SLIT2: variants seen among roughly 807,000 people sequenced by gnomAD.
SLIT2 encodes slit guidance ligand 2, also known as slit homolog 2 protein.
A neutral mutation model predicts 185.7 loss-of-function variants in SLIT2; 41 were observed. That is an observed-to-expected ratio of 0.22 (90% CI 0.17 to 0.29). The LOEUF is 0.29. Among genes scored for constraint, SLIT2 ranks in the 10% least tolerant of loss-of-function variants. The pLI, the probability that SLIT2 is intolerant of heterozygous loss-of-function variation, is 1.00. For synonymous variants in SLIT2, 693 were observed against 680.2 expected, an observed-to-expected ratio of 1.02 and a Z score of -0.29; for missense variants, 1,571 against 1,909.0, an observed-to-expected ratio of 0.82 and a Z score of 3.30.
At chr4:20,583,550 G>T (rs4466041) in intron 29 of SLIT2, among the ~76,000 whole-genome samples, 1 of 152,044 alleles carries the variant, frequency 6.6e-6, no homozygotes. Flanking sequence ...AGTGGCTCAC[G>T]CCTGTAATCC....
Position 20,532,665 on chromosome 4 carries a change from G to A in SLIT2, c.1688+607G>A, listed in dbSNP as rs147617699. On this transcript the variant is annotated intron_variant, in intron 17 of 36. Transcript: ENST00000504154. ...CGCCCTCACACATGCAGAAACATCA[G>A]CATCAGCTCACTTTAGCTGTGTGTC... Among the ~76,000 whole-genome samples, 878 of 152,276 alleles carry A rather than the reference G, an allele frequency of 5.8e-3. 7 individuals are homozygous for A. The highest frequency in any genetic ancestry group is 0.011 in the Admixed American group (170 of 15,298).
chr4:20,598,545 C>G (rs555901159), intron 33 of SLIT2, 150 bp downstream of exon 33: 32 of 794,800 alleles, frequency 4.0e-5, no homozygotes, highest in Non-Finnish European at 6.3e-5. Context: ...CTGGCAGGAA[C>G]AGAGGGCATA....
At chr4:20,535,264 A>C (rs1334057335) in intron 18 of SLIT2, among the ~76,000 whole-genome samples, 2 of 151,904 alleles carry the variant, frequency 1.3e-5, no homozygotes, top group African/African-American at 4.8e-5. Context: ...GCTCCACTAC[A>C]CTCCAGCCTG....
chr4:20,474,155 TTAGA>T (rs1715856741), intron 5 of SLIT2, among the ~76,000 whole-genome samples: 1 of 152,046 alleles, frequency 6.6e-6, no homozygotes, highest in Non-Finnish European at 1.5e-5. Context: ...GGCTTTTTAC[TTAGA>T]TAGATAGTAA....
chr4:20,333,065 C>T (rs1277423717), intron 4 of SLIT2, among the ~76,000 whole-genome samples: 1 of 152,114 alleles, frequency 6.6e-6, no homozygotes, highest in Non-Finnish European at 1.5e-5. Context: ...GGAGTTACCA[C>T]ATGATGTAAG....
At chr4:20,406,485 G>A (rs1048416729) in intron 4 of SLIT2, among the ~76,000 whole-genome samples, 1 of 143,258 alleles carries the variant, frequency 7.0e-6, no homozygotes. Flanking sequence ...CGAAAGAGAG[G>A]AACCAAATTA....
chr4:20,611,550 T>C (rs562385105), intron 34 of SLIT2, among the ~76,000 whole-genome samples: 1 of 152,244 alleles, frequency 6.6e-6, no homozygotes, highest in Non-Finnish European at 1.5e-5. Flanking sequence ...ACTCAGCAAG[T>C]TGACTTATCT....
chr4:20,483,189 T>C (rs2148782891), intron 6 of SLIT2, among the ~76,000 whole-genome samples: 1 of 152,148 alleles, frequency 6.6e-6, no homozygotes, highest in East Asian at 1.9e-4. Flanking sequence ...CATTTGTGAA[T>C]GTATGACTAT....
chr4:20,348,069 G>T (rs867439989), intron 4 of SLIT2, among the ~76,000 whole-genome samples: 1 of 152,180 alleles, frequency 6.6e-6, no homozygotes, highest in South Asian at 2.1e-4. Context: ...TACCAACACC[G>T]TACCAGTGGT....
At chr4:20,368,219 C>CAAAAAAAAAAAAAAGAAAAAA (rs1723273594) in intron 4 of SLIT2, among the ~76,000 whole-genome samples, 5 of 107,428 alleles carry the variant, frequency 4.7e-5, no homozygotes, top group Admixed American at 9.9e-5. Context: ...CACAAAATAG[C>CAAAAAAAAAAAAAAGAAAAAA]AAAAAAAAAA....
chr4:20,480,804 C>T lies in SLIT2; in HGVS notation c.539+17C>T, dbSNP rs1301617523. ...GGAAGTGCTGTAAGTACTGCTATTT[C>T]TCTTGCTCTTTTAACGGGGGCTTTG... On this transcript the variant is annotated intron_variant, in intron 6 of 36. Coordinates refer to ENST00000504154, the MANE Select transcript of SLIT2 (RefSeq NM_004787.4). The T allele has an allele frequency of 1.9e-6, 3 of 1,589,366 alleles. No homozygotes were observed. Among genetic ancestry groups the T allele is most frequent in the Non-Finnish European group, 2.6e-6 (3 of 1,157,620 alleles).
intron 4 of SLIT2, among the ~76,000 whole-genome samples, chr4:20,420,321 C>A (rs1314615510): frequency 3.3e-5 from 5 of 152,124 alleles, no homozygotes; most frequent in Non-Finnish European, 7.4e-5. Context: ...CTTTGAGAAT[C>A]ATGTTGTACT....
intron 4 of SLIT2, among the ~76,000 whole-genome samples, chr4:20,427,077 T>A (rs535503513): frequency 5.9e-5 from 9 of 152,318 alleles, no homozygotes; most frequent in Admixed American, 2.6e-4. Context: ...ATTTGATCCT[T>A]AGAAAATCTG....
intron 4 of SLIT2, among the ~76,000 whole-genome samples, chr4:20,326,550 A>AT (rs1009905718): frequency 6.6e-5 from 10 of 151,530 alleles, no homozygotes; most frequent in Non-Finnish European, 4.4e-5. Context: ...ATGTGCTTGC[A>AT]TTTTTTCCTT....
intron 29 of SLIT2, among the ~76,000 whole-genome samples, chr4:20,570,731 GTATATATATATATATA>G (rs55841917): frequency 8.0e-6 from 1 of 125,568 alleles, no homozygotes; most frequent in Non-Finnish European, 1.6e-5. Context: ...ATATATATAT[GTATATATATATATATA>G]TATATATATA....
At chr4:20,355,113 G>A (rs1360918767) in intron 4 of SLIT2, among the ~76,000 whole-genome samples, 1 of 152,088 alleles carries the variant, frequency 6.6e-6, no homozygotes, top group Non-Finnish European at 1.5e-5. Flanking sequence ...TATGGGTTTG[G>A]AATTTTAATT....
Position 20,567,346 on chromosome 4 carries a change from C to G in SLIT2, c.2810C>G (p.Pro937Arg), listed in dbSNP as rs141844605. The G allele has an allele frequency of 1.5e-5, 25 of 1,612,912 alleles. No individual in the cohort carries two copies. The highest frequency in any genetic ancestry group is 2.1e-5 in the Non-Finnish European group (25 of 1,179,292). The change falls in exon 27 of 37, where the codon CCA becomes CGA. Residue 937 changes from proline (P) to arginine (R), a missense_variant. Pro to Arg is a moderately radical substitution (Grantham distance 103). Coordinates refer to ENST00000504154, the MANE Select transcript of SLIT2 (RefSeq NM_004787.4). ...CKNDGTCNSD[P>R]VDFYRCTCPY... ...AATGATGGCACATGTAATAGTGATC[C>G]AGTTGACTTTTACCGATGCACCTGT...
chr4:20,304,055 G>C (rs965901821), intron 4 of SLIT2, among the ~76,000 whole-genome samples: 1 of 152,158 alleles, frequency 6.6e-6, no homozygotes, highest in Non-Finnish European at 1.5e-5. Flanking sequence ...CATTTTGAGG[G>C]TGGGTTTGAG....
chr4:20,550,826 G>T lies in SLIT2; in HGVS notation c.2490-1G>T, dbSNP rs1409874480. On this transcript the variant is annotated splice_acceptor_variant, in intron 24 of 36. Coordinates refer to ENST00000504154, the MANE Select transcript of SLIT2 (RefSeq NM_004787.4). LOFTEE classifies it high-confidence loss of function. ...TTAATTTTTCTTTTTCTTTCTTTTA[G>T]TTCTCTACATGGAAATGACATTTCT... is the stretch of plus-strand genomic sequence containing the variant. 2 of 1,594,632 alleles carry T rather than the reference G, an allele frequency of 1.3e-6. No individual in the cohort carries two copies. The highest frequency in any genetic ancestry group is 1.7e-6 in the Non-Finnish European group (2 of 1,165,346).
Sources: allele counts gnomAD v4.1 joint callset (sites outside exome capture counted in the v4.1 genomes callset), GRCh38; gene constraint gnomAD v4.1.1; transcripts MANE v1.5; gene names NCBI Gene and HGNC (gene_info 2026-07-23, HGNC 2026-07-21).